NETO1: variants seen among roughly 807,000 people sequenced by gnomAD.
The protein encoded by NETO1 is neuropilin and tolloid-like protein 1.
NETO1 carries 26 observed loss-of-function variants against 61.3 expected under a neutral mutation model. The observed-to-expected ratio is 0.42, with a 90% confidence interval of 0.31 to 0.59. The LOEUF (loss-of-function observed/expected upper bound fraction) is 0.59. Ranked by LOEUF, NETO1 falls within the 20% of genes least tolerant of loss-of-function variation. NETO1 has a pLI of 0.12. For missense variants in NETO1, 531 were observed against 662.8 expected (o/e 0.80, Z 2.18); for synonymous variants, 225 against 225.8 (o/e 1.00, Z 0.03).
intron 7 of NETO1, among the ~76,000 whole-genome samples, chr18:72,778,163 C>G (rs1458292193): frequency 1.3e-5 from 2 of 152,182 alleles, no homozygotes; most frequent in Non-Finnish European, 2.9e-5. Flanking sequence ...TTCTGTCCCC[C>G]TAAACACTGG....
chr18:72,750,638 T>C lies in NETO1; in HGVS notation c.983-18A>G, dbSNP rs1360573883. The C allele has an allele frequency of 6.4e-7, 1 of 1,553,782 alleles. No individual in the cohort carries two copies. Among genetic ancestry groups the C allele is most frequent in the Non-Finnish European group, 8.7e-7 (1 of 1,146,278 alleles). Reference sequence around the variant, plus strand: ...CCTCTTCTCTATAGGTTGGAGAGAGTGAAAACAACAAACGGACAAAAGAAG... The same window carrying C: ...CCTCTTCTCTATAGGTTGGAGAGAGCGAAAACAACAAACGGACAAAAGAAG... On this transcript the variant is annotated intron_variant, in intron 8 of 10. Coordinates refer to ENST00000327305, the MANE Select transcript of NETO1 (RefSeq NM_138966.5).
chr18:72,785,002 C>T (rs2071865190), intron 6 of NETO1, among the ~76,000 whole-genome samples: 3 of 152,198 alleles, frequency 2.0e-5, no homozygotes, highest in Admixed American at 2.0e-4. Flanking sequence ...GACCCATGCA[C>T]TTTGAGAGGG....
chr18:72,815,762 T>C lies in NETO1; in HGVS notation c.470-21358A>G, dbSNP rs1300817728. Among the ~76,000 whole-genome samples, 6 of 152,224 alleles carry C rather than the reference T, an allele frequency of 3.9e-5. No individual in the cohort carries two copies. In the East Asian group the frequency reaches 9.7e-4, roughly 25 times the overall value. On this transcript the variant is annotated intron_variant, in intron 4 of 10. Transcript: ENST00000327305. ...ATTTTGGCATAGATTTTGGACTGAG[T>C]AGGGTTTGAAAGACTCCTGAGAAAA...
At chr18:72,749,281 G>A (rs1455254326) in intron 9 of NETO1, among the ~76,000 whole-genome samples, 193 bp from the exon 10 acceptor site, 1 of 152,092 alleles carries the variant, frequency 6.6e-6, no homozygotes. Context: ...AGTATGTCAC[G>A]ATTTATAAAA....
chr18:72,813,073 C>T (rs2072919687), intron 4 of NETO1, among the ~76,000 whole-genome samples: 1 of 152,122 alleles, frequency 6.6e-6, no homozygotes, highest in Non-Finnish European at 1.5e-5. Context: ...TTCACCACCA[C>T]TTACGTGAGC....
chr18:72,797,249 T>C (rs2072347625), intron 4 of NETO1, among the ~76,000 whole-genome samples: 1 of 152,192 alleles, frequency 6.6e-6, no homozygotes, highest in South Asian at 2.1e-4. Flanking sequence ...AAGGCTAACA[T>C]TTGTCATTTT....
At chr18:72,806,799 A>G (rs908381473) in intron 4 of NETO1, among the ~76,000 whole-genome samples, 1 of 152,048 alleles carries the variant, frequency 6.6e-6, no homozygotes, top group African/African-American at 2.4e-5. Flanking sequence ...TTCACATCCA[A>G]TCTCCTACTC....
intron 4 of NETO1, among the ~76,000 whole-genome samples, chr18:72,826,992 C>T (rs2073395617): frequency 1.3e-5 from 2 of 152,116 alleles, no homozygotes; most frequent in African/African-American, 4.8e-5. Flanking sequence ...ACTCCCACCG[C>T]CTCCTACAGT....
rs2070382417 is a variant in NETO1, at chr18:72,744,124, TTAA to T, written c.*4052_*4054del. On this transcript the variant is annotated 3_prime_UTR_variant, in exon 11 of 11. Transcript: ENST00000327305. ...GCATTTTAAGAGAGCATTTACCTCT[TTAA>T]TAATACACAAGAAAGTACAGAATCA... The T allele has an allele frequency of 6.6e-6, 1 of 152,146 alleles. No homozygotes were observed. Among genetic ancestry groups the T allele is most frequent in the South Asian group, 2.1e-4 (1 of 4,824 alleles). 9.4% of individuals were successfully genotyped at this position (152,146 alleles called of 1,614,324 possible).
chr18:72,864,155 G>A (rs1366377979), intron 3 of NETO1, among the ~76,000 whole-genome samples: 2 of 151,648 alleles, frequency 1.3e-5, no homozygotes, highest in African/African-American at 4.9e-5. Context: ...GGGGACTCTC[G>A]CTTTGTCTCA....
intron 7 of NETO1, among the ~76,000 whole-genome samples, chr18:72,769,300 A>G (rs1309334986): frequency 1.3e-5 from 2 of 152,232 alleles, no homozygotes; most frequent in Non-Finnish European, 2.9e-5. Context: ...TAAGTCAGTC[A>G]TCAGTTGAAT....
In NETO1 at chr18:72,829,582, A is replaced by G. The variant is rs561463468; in HGVS notation, c.469+29244T>C. Among the ~76,000 whole-genome samples the G allele has an allele frequency of 1.1e-4, 16 of 152,378 alleles. No individual in the cohort carries two copies. The South Asian group carries it at 2.9e-3, about 28-fold the overall frequency. ...AAATGTATATCACATTAGGTTCTAC[A>G]GTAGCTGTTAAAATAGTTCTATGCT... On this transcript the variant is annotated intron_variant, in intron 4 of 10. Transcript: ENST00000327305.
Position 72,783,757 on chromosome 18 carries a change from A to C in NETO1, c.789T>G (p.Gly263=). The C allele has an allele frequency of 6.2e-7, 1 of 1,614,100 alleles. No individual in the cohort carries two copies. The highest frequency in any genetic ancestry group is 1.3e-5 in the African/African-American group (1 of 75,032). The change falls in exon 7 of 11, where the codon GGT becomes GGG. Residue 263 remains glycine, a synonymous_variant. Coordinates refer to ENST00000327305, the MANE Select transcript of NETO1 (RefSeq NM_138966.5). ...CTGCCCACATGCGGATCACCCCAAGACCCGTGCGTAGCATGACATCATTAG... is the reference window on the plus strand; with the variant it reads ...CTGCCCACATGCGGATCACCCCAAGCCCCGTGCGTAGCATGACATCATTAG... ...TVANDVMLRT[G]LGVIRMWADE...
chr18:72,863,445 C>A (rs2074640640), intron 3 of NETO1, among the ~76,000 whole-genome samples: 1 of 152,110 alleles, frequency 6.6e-6, no homozygotes, highest in African/African-American at 2.4e-5. Flanking sequence ...GGACATAGTC[C>A]CCAGAGAATA....
chr18:72,843,591 A>G (rs2073998798), intron 4 of NETO1, among the ~76,000 whole-genome samples: 1 of 151,936 alleles, frequency 6.6e-6, no homozygotes, highest in Non-Finnish European at 1.5e-5. Context: ...GGTGTAGCTC[A>G]TGTGTACCCT....
chr18:72,823,937 G>A (rs1369940699), intron 4 of NETO1, among the ~76,000 whole-genome samples: 1 of 152,046 alleles, frequency 6.6e-6, no homozygotes, highest in Non-Finnish European at 1.5e-5. Flanking sequence ...CAATGTCCTA[G>A]ACAAACAGGA....
intron 3 of NETO1, among the ~76,000 whole-genome samples, chr18:72,859,769 C>T (rs1234430893): frequency 6.6e-6 from 1 of 152,138 alleles, no homozygotes; most frequent in Non-Finnish European, 1.5e-5. Flanking sequence ...GATTTTCTTA[C>T]ATTTTTGAAT....
intron 4 of NETO1, among the ~76,000 whole-genome samples, chr18:72,852,889 G>A (rs907153953): frequency 1.2e-4 from 18 of 144,118 alleles, no homozygotes; most frequent in African/African-American, 4.4e-4. Context: ...CTGGAGTGCA[G>A]TGGCATGATC....
At chr18:72,866,801 C>T (rs1192488274) in intron 1 of NETO1, 1 of 998,380 alleles carries the variant, frequency 1.0e-6, no homozygotes, top group African/African-American at 1.7e-5. Context: ...CTGACCCTCG[C>T]CCTTCCCTCC....
Sources: allele counts gnomAD v4.1 joint callset (sites outside exome capture counted in the v4.1 genomes callset), GRCh38; gene constraint gnomAD v4.1.1; transcripts MANE v1.5; gene names NCBI Gene and HGNC (gene_info 2026-07-23, HGNC 2026-07-21).